Variants in SLC25A34 observed in about 807,000 individuals in gnomAD.
SLC25A34 encodes solute carrier family 25, member 34.
SLC25A34 carries 26 observed loss-of-function variants against 28.1 expected under a neutral mutation model. That is an observed-to-expected ratio of 0.93 (90% CI 0.68 to 1.28). The LOEUF (loss-of-function observed/expected upper bound fraction) is 1.28. SLC25A34 is among the 50% of genes most tolerant of loss of function. SLC25A34 has a pLI of 0.00. For synonymous variants in SLC25A34, 182 were observed against 182.2 expected (o/e 1.00, Z 0.01); for missense variants, 384 against 409.8 (o/e 0.94, Z 0.54).
In SLC25A34 at chr1:15,739,561, T is replaced by C. The variant is rs1328827895; in HGVS notation, c.*155T>C. The stretch of plus-strand genomic sequence containing the variant: ...GGACAGCTCTGGTCCATCCAGCCCC[T>C]TGGCCCACCCAGGTCCAGAGCATCC... On this transcript the variant is annotated 3_prime_UTR_variant, in exon 5 of 5. Coordinates refer to ENST00000294454, the MANE Select transcript of SLC25A34 (RefSeq NM_207348.3). The C allele has an allele frequency of 1.3e-6, 1 of 795,356 alleles. No homozygotes were observed. Among genetic ancestry groups the C allele is most frequent in the Non-Finnish European group, 1.8e-6 (1 of 551,366 alleles). 49.3% of individuals were successfully genotyped at this position (795,356 alleles called of 1,614,324 possible).
Position 15,736,661 on chromosome 1 carries a change from C to T in SLC25A34, c.176C>T (p.Ala59Val). 6.2e-7 allele frequency: 1 copy of T among 1,600,238 alleles called. No individual in the cohort carries two copies. The highest frequency in any genetic ancestry group is 8.5e-7 in the Non-Finnish European group (1 of 1,174,486). The change falls in exon 1 of 5, where the codon GCT becomes GTT. Residue 59 changes from alanine (A) to valine (V), a missense_variant. Physicochemically the swap from Ala to Val is moderately conservative, Grantham distance 64 (BLOSUM62 0). Coordinates refer to ENST00000294454, the MANE Select transcript of SLC25A34 (RefSeq NM_207348.3). Reference protein sequence around the residue: ...PYHGFIASVAAVARADGLWGL... With the variant: ...PYHGFIASVAVVARADGLWGL... ...CATGGCTTCATAGCCTCTGTCGCTGCTGTGGCCCGAGCAGACGGGCTGTGG... is the reference window on the plus strand; with the variant it reads ...CATGGCTTCATAGCCTCTGTCGCTGTTGTGGCCCGAGCAGACGGGCTGTGG...
In SLC25A34 at chr1:15,736,856, C is replaced by T; in HGVS notation, c.371C>T (p.Ala124Val). Reference sequence around the variant, plus strand: ...CTGGGAGCCTTCGTGGGGAGCCCTGCTTACCTGGTGAGTGGCTTGTCTCCA... The same window carrying T: ...CTGGGAGCCTTCGTGGGGAGCCCTGTTTACCTGGTGAGTGGCTTGTCTCCA... ...GALGAFVGSP[A>V]YLIKTQLQAQ... is the part of the protein sequence containing the mutation. The change falls in exon 1 of 5, where the codon GCT becomes GTT. Residue 124 changes from alanine (A) to valine (V), a missense_variant. Physicochemically the swap from Ala to Val is moderately conservative, Grantham distance 64. Transcript: ENST00000294454. 6.4e-7 allele frequency: 1 copy of T among 1,560,384 alleles called. No individual in the cohort carries two copies. The highest frequency in any genetic ancestry group is 8.6e-7 in the Non-Finnish European group (1 of 1,156,572).
chr1:15,738,615 C>T lies in SLC25A34; in HGVS notation c.619C>T (p.Leu207=). 1 of 1,608,222 alleles carries T rather than the reference C, an allele frequency of 6.2e-7. No homozygotes were observed. The highest frequency in any genetic ancestry group is 1.1e-5 in the South Asian group (1 of 90,648). Residue 207 remains leucine (L), a synonymous_variant, in exon 4 of 5, where the codon CTG becomes TTG. Coordinates refer to ENST00000294454, the MANE Select transcript of SLC25A34 (RefSeq NM_207348.3). Reference sequence around the variant, plus strand: ...ACAGTGGCTCCCTGAGGACAGCTGGCTGGTGGCCCTGGCTGGGGGCATGAT... The same window carrying T: ...ACAGTGGCTCCCTGAGGACAGCTGGTTGGTGGCCCTGGCTGGGGGCATGAT... ...KQQWLPEDSW[L]VALAGGMISS...
chr1:15,739,383 C>T lies in SLC25A34; in HGVS notation c.892C>T (p.Arg298Trp), dbSNP rs143157503. Reference protein sequence around the residue: ...FWDELRKLAGRAQHKGT With the variant: ...FWDELRKLAGWAQHKGT ...GGACGAGCTTCGGAAACTGGCTGGG[C>T]GGGCCCAGCACAAGGGCACCTAGAC... Residue 298 changes from arginine (R) to tryptophan (W), a missense_variant, in exon 5 of 5, where the codon CGG (arginine) becomes TGG (tryptophan). Transcript: ENST00000294454. The T allele has an allele frequency of 9.4e-4, 1,464 of 1,552,224 alleles. 2 individuals are homozygous for T. The highest frequency in any genetic ancestry group is 1.5e-3 in the South Asian group (126 of 83,886).
In SLC25A34 at chr1:15,739,491, G is replaced by T; in HGVS notation, c.*85G>T. ...GCTCCAGGACAACTGGCTGTCCCGG[G>T]GCGGGCCATGGGCCCAGGCCCTGCC... On this transcript the variant is annotated 3_prime_UTR_variant, in exon 5 of 5. Coordinates refer to ENST00000294454, the MANE Select transcript of SLC25A34 (RefSeq NM_207348.3). 1.4e-6 allele frequency: 2 copies of T among 1,444,734 alleles called. No homozygotes were observed. Among genetic ancestry groups the T allele is most frequent in the Non-Finnish European group, 1.8e-6 (2 of 1,095,630 alleles). 89.5% of individuals were successfully genotyped at this position (1,444,734 alleles called of 1,614,324 possible).
Position 15,736,792 on chromosome 1 carries a change from C to T in SLC25A34, c.307C>T (p.Pro103Ser). The T allele has an allele frequency of 6.2e-7, 1 of 1,603,194 alleles. No individual in the cohort carries two copies. Residue 103 changes from proline (P) to serine (S), a missense_variant, in exon 1 of 5, where the codon CCA (proline) becomes TCA (serine). Transcript: ENST00000294454. The part of the protein sequence containing the change: ...LACQAGLTQQ[P>S]GGTVVAGAVA... Reference sequence around the variant, plus strand: ...GTGCCAGGCTGGCCTCACGCAGCAACCAGGTGGCACCGTGGTTGCGGGAGC... The same window carrying T: ...GTGCCAGGCTGGCCTCACGCAGCAATCAGGTGGCACCGTGGTTGCGGGAGC...
At position 15,739,600 on chromosome 1, in the gene SLC25A34, A is replaced by C; in HGVS notation, c.*194A>C. On this transcript the variant is annotated 3_prime_UTR_variant, in exon 5 of 5. Transcript: ENST00000294454. ...TCCAGAGCATCCACTTCAAGTTACC[A>C]CCCATTCTGTCTTCCAGACAGTTCT... is the stretch of plus-strand genomic sequence containing the variant. The C allele has an allele frequency of 1.9e-6, 1 of 520,806 alleles. No individual in the cohort carries two copies. Among genetic ancestry groups the C allele is most frequent in the Non-Finnish European group, 3.2e-6 (1 of 310,090 alleles). 32.3% of individuals were successfully genotyped at this position (520,806 alleles called of 1,614,324 possible).
intron 1 of SLC25A34, chr1:15,737,647 G>A (rs1486704925): frequency 6.4e-6 from 3 of 468,384 alleles, no homozygotes; most frequent in African/African-American, 4.0e-5. Context: ...TGGTGCTGGA[G>A]GATCATTGTC....
At position 15,736,752 on chromosome 1, in the gene SLC25A34, C is replaced by T; in HGVS notation, c.267C>T (p.Tyr89=). Residue 89 remains tyrosine (Y), a synonymous_variant, in exon 1 of 5, where the codon TAC becomes TAT. Transcript: ENST00000294454. ...GCCTCATGAATGGCGTTCGTTTCTA[C>T]TGCTACAGCCTGGCGTGCCAGGCTG... The part of the protein sequence containing the change: ...YQGLMNGVRF[Y]CYSLACQAGL... The T allele has an allele frequency of 1.9e-6, 3 of 1,608,202 alleles. No homozygotes were observed. Among genetic ancestry groups the T allele is most frequent in the Non-Finnish European group, 2.5e-6 (3 of 1,179,646 alleles).
In SLC25A34 at chr1:15,739,340, C is replaced by CCTCA; in HGVS notation, c.850_853dup (p.Ser285ThrfsTer40). 6.2e-7 allele frequency: 1 copy of CCTCA among 1,609,308 alleles called. No individual in the cohort carries two copies. Among genetic ancestry groups the CCTCA allele is most frequent in the Non-Finnish European group, 8.5e-7 (1 of 1,178,190 alleles). On this transcript the variant is annotated frameshift_variant, in exon 5 of 5. Transcript: ENST00000294454. LOFTEE classifies it high-confidence loss of function. ...ACCTGCGCCTGGGCCCCCACACCATCCTCAGCATGCTCTTCTGGGACGAGC... is the reference window on the plus strand; with the variant it reads ...ACCTGCGCCTGGGCCCCCACACCATCCTCACTCAGCATGCTCTTCTGGGACGAGC...
Position 15,736,364 on chromosome 1 carries a change from C to T in SLC25A34, c.-122C>T, listed in dbSNP as rs2068222182. The T allele has an allele frequency of 8.9e-7, 1 of 1,128,302 alleles. No homozygotes were observed. Among genetic ancestry groups the T allele is most frequent in the Middle Eastern group, 3.1e-4 (1 of 3,186 alleles). 69.9% of individuals were successfully genotyped at this position (1,128,302 alleles called of 1,614,324 possible). A position where few individuals can be genotyped will look rare whatever the true frequency, so the allele number is the denominator to read the frequency against. On this transcript the variant is annotated 5_prime_UTR_variant, in exon 1 of 5. Coordinates refer to ENST00000294454, the MANE Select transcript of SLC25A34 (RefSeq NM_207348.3). ...AGGACCCTTACCCTCTAGACATGGC[C>T]TCGGTCCCCTGCAAACCCCAGCCCC...
In SLC25A34 at chr1:15,736,360, TG is replaced by T; in HGVS notation, c.-124del. ...GACCAGGACCCTTACCCTCTAGACA[TG>T]GCCTCGGTCCCCTGCAAACCCCAGC... On this transcript the variant is annotated 5_prime_UTR_variant, in exon 1 of 5. An upstream open reading frame in the 5' UTR loses its in-frame stop. Coordinates refer to ENST00000294454, the MANE Select transcript of SLC25A34 (RefSeq NM_207348.3). The T allele has an allele frequency of 9.4e-7, 1 of 1,064,798 alleles. No individual in the cohort carries two copies. Among genetic ancestry groups the T allele is most frequent in the Non-Finnish European group, 1.2e-6 (1 of 814,942 alleles). The allele number at this position is 1,064,798 out of a possible 1,614,324, so 66.0% of individuals were successfully genotyped here.
chr1:15,737,910 G>T lies in SLC25A34; in HGVS notation c.379-19G>T. The T allele has an allele frequency of 6.2e-7, 1 of 1,613,886 alleles. No individual in the cohort carries two copies. Among genetic ancestry groups the T allele is most frequent in the South Asian group, 1.1e-5 (1 of 91,070 alleles). ...TCCCAGGCTCCATCCCCACACCCGT[G>T]TCCTCTCTGCTCCCATAGATCAAAA... On this transcript the variant is annotated intron_variant, in intron 1 of 4. Transcript: ENST00000294454.
Position 15,739,358 on chromosome 1 carries a change from G to T in SLC25A34, c.867G>T (p.Trp289Cys), listed in dbSNP as rs2068258743. The change falls in exon 5 of 5, where the codon TGG becomes TGT. Residue 289 changes from tryptophan (W) to cysteine (C), a missense_variant. Trp to Cys is a radical substitution (Grantham distance 215). Coordinates refer to ENST00000294454, the MANE Select transcript of SLC25A34 (RefSeq NM_207348.3). ...GPHTILSMLF[W>C]DELRKLAGRA... ...ACACCATCCTCAGCATGCTCTTCTG[G>T]GACGAGCTTCGGAAACTGGCTGGGC... is the stretch of plus-strand genomic sequence containing the variant. 1 of 1,584,544 alleles carries T rather than the reference G, an allele frequency of 6.3e-7. No individual in the cohort carries two copies. The highest frequency in any genetic ancestry group is 8.6e-7 in the Non-Finnish European group (1 of 1,165,316).
At position 15,738,567 on chromosome 1, in the gene SLC25A34, G is replaced by C. The variant is rs199854305; in HGVS notation, c.598-27G>C. On this transcript the variant is annotated intron_variant, in intron 3 of 4. Coordinates refer to ENST00000294454, the MANE Select transcript of SLC25A34 (RefSeq NM_207348.3). ...GTGGGTGGGTAGAGAGCTGTTGCAG[G>C]GATCAGCACCTGTGCCATCCCCACA... 1.4e-5 allele frequency: 22 copies of C among 1,592,682 alleles called. No individual in the cohort carries two copies. In the East Asian group the frequency reaches 5.0e-4, roughly 36 times the overall value.
chr1:15,738,634 G>A lies in SLC25A34; in HGVS notation c.638G>A (p.Gly213Asp). ...EDSWLVALAG[G>D]MISSIAVVVV... ...AGCTGGCTGGTGGCCCTGGCTGGGGGCATGATCAGCAGCATAGCCGTGGTT... is the reference window on the plus strand; with the variant it reads ...AGCTGGCTGGTGGCCCTGGCTGGGGACATGATCAGCAGCATAGCCGTGGTT... Residue 213 changes from glycine to aspartate, a missense_variant, in exon 4 of 5, where the codon GGC (glycine) becomes GAC (aspartate). Transcript: ENST00000294454. 3 of 1,609,420 alleles carry A rather than the reference G, an allele frequency of 1.9e-6. No homozygotes were observed. The highest frequency in any genetic ancestry group is 1.1e-5 in the South Asian group (1 of 90,762).
chr1:15,737,462 G>A (rs1254537770), intron 1 of SLC25A34, among the ~76,000 whole-genome samples: 2 of 152,008 alleles, frequency 1.3e-5, no homozygotes, highest in Non-Finnish European at 2.9e-5. Flanking sequence ...CCCAGCTACC[G>A]GGGAGGCTGA....
In SLC25A34 at chr1:15,738,689, C is replaced by T. The variant is rs940502455; in HGVS notation, c.693C>T (p.Ser231=). The T allele has an allele frequency of 5.6e-6, 9 of 1,603,400 alleles. No individual in the cohort carries two copies. The African/African-American group carries it at 1.2e-4, about 21-fold the overall frequency. Residue 231 remains serine (S), a synonymous_variant, in exon 4 of 5, where the codon AGC becomes AGT. Transcript: ENST00000294454. The part of the protein sequence containing the change: ...VVVMTPFDVV[S]TRLYNQPVDT... ...TCATGACTCCCTTCGATGTGGTCAGCACGCGGCTATACAATCAGCCGGTGG... is the reference window on the plus strand; with the variant it reads ...TCATGACTCCCTTCGATGTGGTCAGTACGCGGCTATACAATCAGCCGGTGG...
rs773214731 is a variant in SLC25A34, at chr1:15,737,921, T to C, written c.379-8T>C. On this transcript the variant is annotated splice_polypyrimidine_tract_variant and splice_region_variant and intron_variant, in intron 1 of 4. Transcript: ENST00000294454. The stretch of plus-strand genomic sequence containing the variant: ...ATCCCCACACCCGTGTCCTCTCTGC[T>C]CCCATAGATCAAAACGCAGCTGCAA... 168 of 1,613,752 alleles carry C rather than the reference T, an allele frequency of 1.0e-4. No individual in the cohort carries two copies. The highest frequency in any genetic ancestry group is 1.2e-4 in the Non-Finnish European group (146 of 1,179,984).
Sources: allele counts gnomAD v4.1 joint callset (sites outside exome capture counted in the v4.1 genomes callset), GRCh38; gene constraint gnomAD v4.1.1; transcripts MANE v1.5; gene names NCBI Gene and HGNC (gene_info 2026-07-23, HGNC 2026-07-21).